Variants in NOSTRIN observed in about 807,000 individuals in gnomAD.
NOSTRIN encodes BM247 homolog.
In NOSTRIN, 63 loss-of-function variants were observed where a neutral mutation model predicts 59.0. That is an observed-to-expected ratio of 1.07 (90% CI 0.87 to 1.32). NOSTRIN has a LOEUF of 1.32. Among genes scored for constraint, NOSTRIN ranks in the 40% most tolerant of loss-of-function variants. The pLI is 0.00. For synonymous variants in NOSTRIN, 200 were observed against 165.4 expected (o/e 1.21, Z -1.61); for missense variants, 512 against 473.1 (o/e 1.08, Z -0.76).
At chr2:168,841,152 G>A (rs1688071224) in intron 7 of NOSTRIN, among the ~76,000 whole-genome samples, 2 of 149,354 alleles carry the variant, frequency 1.3e-5, no homozygotes, top group South Asian at 2.1e-4. Flanking sequence ...GCTTGAACCC[G>A]GGACAAGGAG....
chr2:168,836,814 T>A (rs528901558), intron 7 of NOSTRIN, among the ~76,000 whole-genome samples: 49 of 152,314 alleles, frequency 3.2e-4, no homozygotes, highest in African/African-American at 1.2e-3. Flanking sequence ...CCAGAGGCCC[T>A]CTCTTGATTA....
chr2:168,859,479 A>G (rs1689309379), intron 12 of NOSTRIN, 33 bp from the exon 13 acceptor site: 2 of 1,608,122 alleles, frequency 1.2e-6, no homozygotes, highest in East Asian at 2.2e-5. Context: ...TTTACTAGAA[A>G]TTTGCTCACA....
At chr2:168,800,910 T>TAA (rs71997437), upstream of NOSTRIN, among the ~76,000 whole-genome samples, 4,812 of 137,866 alleles carry the variant, frequency 0.035, 132 homozygotes, top group Non-Finnish European at 0.051. Context: ...AAATTTCTTT[T>TAA]AAAAAAAAAA....
chr2:168,860,269 A>G (rs1469039336), intron 13 of NOSTRIN, among the ~76,000 whole-genome samples: 1 of 152,280 alleles, frequency 6.6e-6, no homozygotes, highest in Non-Finnish European at 1.5e-5. Context: ...TTGGAAACAC[A>G]GGCTATAAAG....
At chr2:168,792,858 G>A (rs1187778586) in intron 2 of NOSTRIN, among the ~76,000 whole-genome samples, 6 of 152,026 alleles carry the variant, frequency 3.9e-5, no homozygotes, top group East Asian at 3.9e-4. Context: ...TTAAACAGTC[G>A]TTATGTATAC....
intron 1 of NOSTRIN, among the ~76,000 whole-genome samples, chr2:168,809,523 A>C (rs760287071): frequency 2.0e-5 from 3 of 152,150 alleles, no homozygotes; most frequent in Non-Finnish European, 4.4e-5. Context: ...TATAGAAGAA[A>C]ACAAAAGGCT....
At chr2:168,843,428 T>A (rs1289636717) in intron 8 of NOSTRIN, among the ~76,000 whole-genome samples, 1 of 152,210 alleles carries the variant, frequency 6.6e-6, no homozygotes, top group African/African-American at 2.4e-5. Context: ...TGTTAGGTGC[T>A]TCAAAATTAG....
At chr2:168,817,092 T>A (rs566746363) in intron 2 of NOSTRIN, among the ~76,000 whole-genome samples, 11 of 152,348 alleles carry the variant, frequency 7.2e-5, no homozygotes, top group African/African-American at 2.6e-4. Flanking sequence ...ATCTCTTTAA[T>A]TATCTCACAA....
At chr2:168,821,727 C>T (rs149443591) in intron 2 of NOSTRIN, among the ~76,000 whole-genome samples, 90 of 152,296 alleles carry the variant, frequency 5.9e-4, no homozygotes, top group African/African-American at 2.0e-3. Context: ...GAGAATACCA[C>T]GTGGTTATGT....
chr2:168,863,363 T>C (rs534310), intron 15 of NOSTRIN: 808,119 of 971,772 alleles, frequency 0.83, 336,504 homozygotes, highest in East Asian at 0.92. Flanking sequence ...AGTTAATAAT[T>C]TCCTTTGTCT....
intron 6 of NOSTRIN, among the ~76,000 whole-genome samples, chr2:168,833,059 C>T (rs1225603696): frequency 6.6e-6 from 1 of 152,198 alleles, no homozygotes; most frequent in African/African-American, 2.4e-5. Context: ...TTTATCATTT[C>T]CCAGTTTCTA....
chr2:168,814,595 A>G (rs1288900855), intron 2 of NOSTRIN, among the ~76,000 whole-genome samples: 1 of 152,260 alleles, frequency 6.6e-6, no homozygotes, highest in Non-Finnish European at 1.5e-5. Context: ...TAAGACAAGT[A>G]AAATGGTAGT....
intron 2 of NOSTRIN, among the ~76,000 whole-genome samples, chr2:168,791,454 C>T (rs1685350265): frequency 6.6e-6 from 1 of 152,174 alleles, no homozygotes; most frequent in South Asian, 2.1e-4. Context: ...AATAAACATA[C>T]GTGTGCTTTG....
chr2:168,813,289 CATTA>C (rs1686243187), intron 2 of NOSTRIN, among the ~76,000 whole-genome samples: 1 of 152,166 alleles, frequency 6.6e-6, no homozygotes, highest in Admixed American at 6.5e-5. Flanking sequence ...GTCATCTGGG[CATTA>C]ATTATTTGGT....
chr2:168,863,423 C>T, intron 15 of NOSTRIN: 2 of 984,990 alleles, frequency 2.0e-6, no homozygotes, highest in Non-Finnish European at 2.4e-6. Flanking sequence ...TGAAAAATCA[C>T]CTCAGAATGA....
chr2:168,842,842 T>C lies in NOSTRIN; in HGVS notation c.505-150T>C, dbSNP rs769034623. On this transcript the variant is annotated intron_variant, in intron 7 of 15. Coordinates refer to ENST00000317647, the MANE Select transcript of NOSTRIN (RefSeq NM_001039724.4). Reference sequence around the variant, plus strand: ...GCCATGCCTTTTTTTCTTATAAAGATCTTTCATTTTGTCAACTATAGTCAC... The same window carrying C: ...GCCATGCCTTTTTTTCTTATAAAGACCTTTCATTTTGTCAACTATAGTCAC... The C allele has an allele frequency of 1.9e-4, 119 of 616,890 alleles. 1 individual carries two copies. Among genetic ancestry groups the C allele is most frequent in the Non-Finnish European group, 8.2e-5 (29 of 355,156 alleles). 38.2% of individuals were successfully genotyped at this position (616,890 alleles called of 1,614,324 possible).
intron 1 of NOSTRIN, chr2:168,787,837 T>A (rs981986918): frequency 6.6e-6 from 1 of 151,786 alleles, no homozygotes; most frequent in Non-Finnish European, 1.5e-5. Context: ...TGTTGTGATT[T>A]TCATTTTTTT....
rs1328767171 is a variant in NOSTRIN, at chr2:168,824,501, G to A, written c.114-133G>A. 8.8e-6 allele frequency: 5 copies of A among 571,368 alleles called. No homozygotes were observed. The African/African-American group carries it at 9.6e-5, about 11-fold the overall frequency. 35.4% of individuals were successfully genotyped at this position (571,368 alleles called of 1,614,324 possible). ...TTTAGTAGAGACTGGGTTTCACCAT[G>A]TTGGCCAGGCTGGTCTTGAACTCCT... On this transcript the variant is annotated intron_variant, in intron 2 of 15. Coordinates refer to ENST00000317647, the MANE Select transcript of NOSTRIN (RefSeq NM_001039724.4).
At chr2:168,827,831 C>A (rs1559117723) in intron 3 of NOSTRIN, among the ~76,000 whole-genome samples, 1 of 151,866 alleles carries the variant, frequency 6.6e-6, no homozygotes, top group Non-Finnish European at 1.5e-5. Context: ...ACCTCAGCCT[C>A]CTAAAGTGCT....
Sources: allele counts gnomAD v4.1 joint callset (sites outside exome capture counted in the v4.1 genomes callset), GRCh38; gene constraint gnomAD v4.1.1; transcripts MANE v1.5; gene names NCBI Gene and HGNC (gene_info 2026-07-23, HGNC 2026-07-21).